Variants in STIM1 observed in about 807,000 individuals in gnomAD.
STIM1 encodes stromal interaction molecule 1.
In STIM1, 25 loss-of-function variants were observed where a neutral mutation model predicts 74.7. That is an observed-to-expected ratio of 0.33 (90% CI 0.24 to 0.47). STIM1 has a LOEUF of 0.47. Among genes scored for constraint, STIM1 ranks in the 20% least tolerant of loss-of-function variants. The probability of loss-of-function intolerance (pLI) is 1.00; values close to 1 mark genes in which losing one functional copy is unlikely to be tolerated. For missense variants in STIM1, 728 were observed against 920.8 expected (o/e 0.79, Z 2.71); for synonymous variants, 328 against 348.8 (o/e 0.94, Z 0.66).
At chr11:3,953,780 CTTTCTTTT>C (rs2093178338) in intron 1 of STIM1, among the ~76,000 whole-genome samples, 1 of 131,090 alleles carries the variant, frequency 7.6e-6, no homozygotes, top group Non-Finnish European at 1.6e-5. Flanking sequence ...TGATCTTCTT[CTTTCTTTT>C]TTTTTTTTTT....
intron 1 of STIM1, among the ~76,000 whole-genome samples, chr11:3,889,638 G>A (rs746720501): frequency 2.0e-4 from 30 of 152,118 alleles, no homozygotes; most frequent in Non-Finnish European, 3.8e-4. Context: ...CTTTGAGATG[G>A]ACAAAATAAG....
At chr11:3,904,711 G>A (rs2092433407) in intron 1 of STIM1, among the ~76,000 whole-genome samples, 2 of 152,140 alleles carry the variant, frequency 1.3e-5, no homozygotes, top group Admixed American at 1.3e-4. Flanking sequence ...ACGGAAGGAT[G>A]AAGGAGGCAG....
At chr11:3,912,193 C>A (rs1330817973) in intron 1 of STIM1, among the ~76,000 whole-genome samples, 1 of 101,910 alleles carries the variant, frequency 9.8e-6, no homozygotes, top group Non-Finnish European at 2.0e-5. Flanking sequence ...CCCCTCCCCT[C>A]CCTTCTCCCC....
At chr11:3,886,804 TCA>T (rs1565101472) in intron 1 of STIM1, among the ~76,000 whole-genome samples, 2 of 148,154 alleles carry the variant, frequency 1.3e-5, no homozygotes, top group African/African-American at 5.0e-5. Context: ...GAGATCGAGA[TCA>T]TCCTGGATAA....
intron 1 of STIM1, among the ~76,000 whole-genome samples, chr11:3,898,903 G>T (rs1264458979): frequency 1.3e-5 from 2 of 151,834 alleles, no homozygotes; most frequent in African/African-American, 4.8e-5. Flanking sequence ...GTACCATGCT[G>T]TTTTGGTTAC....
intron 1 of STIM1, among the ~76,000 whole-genome samples, chr11:3,863,885 G>A (rs1489923580): frequency 6.6e-6 from 1 of 152,080 alleles, no homozygotes; most frequent in Non-Finnish European, 1.5e-5. Flanking sequence ...AGTTATTGTT[G>A]TTAACATCTT....
At chr11:4,022,823 AC>A (rs1478901676) in intron 2 of STIM1, among the ~76,000 whole-genome samples, 2 of 152,208 alleles carry the variant, frequency 1.3e-5, no homozygotes, top group Non-Finnish European at 2.9e-5. Context: ...CAGGCTTCTT[AC>A]ATTTTGACTC....
Position 3,967,586 on chromosome 11 carries a change from T to C in STIM1, c.174T>C (p.Ser58=), listed in dbSNP as rs960437123. 3.1e-6 allele frequency: 5 copies of C among 1,614,214 alleles called. No individual in the cohort carries two copies. Among genetic ancestry groups the C allele is most frequent in the Non-Finnish European group, 3.4e-6 (4 of 1,180,036 alleles). Residue 58 remains serine, a synonymous_variant, in exon 2 of 13, where the codon AGT becomes AGC. Transcript: ENST00000526596. ...GAATTGACAAGCCCCTGTGTCACAG[T>C]GAGGATGAGAAACTCAGCTTCGAGG... ...FCRIDKPLCH[S]EDEKLSFEAV...
At chr11:3,985,488 A>T (rs974702492) in intron 2 of STIM1, among the ~76,000 whole-genome samples, 3 of 152,182 alleles carry the variant, frequency 2.0e-5, no homozygotes, top group African/African-American at 7.2e-5. Flanking sequence ...AAGCCCATAA[A>T]TGAGGTTGAG....
chr11:3,982,304 G>A (rs925746855), intron 2 of STIM1, among the ~76,000 whole-genome samples: 3 of 151,172 alleles, frequency 2.0e-5, no homozygotes, highest in South Asian at 2.1e-4. Context: ...TCCTGGGATC[G>A]TAAACATGAG....
intron 1 of STIM1, among the ~76,000 whole-genome samples, chr11:3,942,867 G>GT (rs2135616597): frequency 6.6e-6 from 1 of 152,258 alleles, no homozygotes; most frequent in South Asian, 2.1e-4. Flanking sequence ...AAGGCAGGAA[G>GT]TAAGTGTTTG....
At chr11:3,857,541 A>G (rs1240209536) in intron 1 of STIM1, among the ~76,000 whole-genome samples, 1 of 151,830 alleles carries the variant, frequency 6.6e-6, no homozygotes, top group African/African-American at 2.4e-5. Context: ...GAACTCTATT[A>G]AAATCCAGTC....
intron 1 of STIM1, among the ~76,000 whole-genome samples, chr11:3,881,540 T>A (rs1435839638): frequency 6.6e-6 from 1 of 151,912 alleles, no homozygotes; most frequent in Non-Finnish European, 1.5e-5. Flanking sequence ...CCGGCTAATT[T>A]TTTTGTATTT....
At chr11:4,056,222 G>T (rs1164085878) in intron 4 of STIM1, among the ~76,000 whole-genome samples, 2 of 152,120 alleles carry the variant, frequency 1.3e-5, no homozygotes, top group Non-Finnish European at 2.9e-5. Context: ...GATTGCCATT[G>T]GCCCCAGCCT....
chr11:3,935,129 G>A (rs2092917159), intron 1 of STIM1, among the ~76,000 whole-genome samples: 1 of 152,172 alleles, frequency 6.6e-6, no homozygotes, highest in Admixed American at 6.5e-5. Context: ...CTTTTAAATT[G>A]GCTCTCTTGG....
rs2094394878 is a variant in STIM1 at position 4,070,141 on chromosome 11, G to C, written c.729G>C (p.Lys243Asn). The C allele has an allele frequency of 1.9e-6, 3 of 1,614,098 alleles. No homozygotes were observed. In the South Asian group the frequency reaches 3.3e-5, roughly 18 times the overall value. The change falls in exon 6 of 13, where the codon AAG becomes AAC. Residue 243 changes from lysine (K) to asparagine (N), a missense_variant. By Grantham distance (94) the Lys-to-Asn change is moderately conservative. Transcript: ENST00000526596. Reference sequence around the variant, plus strand: ...GTTACTCCAAGGAGCACATGAAGAAGATGATGAAGGACTTGGAGGGGTTAC... The same window carrying C: ...GTTACTCCAAGGAGCACATGAAGAACATGATGAAGGACTTGGAGGGGTTAC... ...QNRYSKEHMK[K>N]MMKDLEGLHR...
At chr11:4,050,343 A>T (rs1414500559) in intron 3 of STIM1, among the ~76,000 whole-genome samples, 1 of 152,220 alleles carries the variant, frequency 6.6e-6, no homozygotes, top group African/African-American at 2.4e-5. Context: ...AGGGAAGTGG[A>T]TGCTTGGTGG....
At chr11:3,859,068 T>C (rs2090498839) in intron 1 of STIM1, among the ~76,000 whole-genome samples, 1 of 152,214 alleles carries the variant, frequency 6.6e-6, no homozygotes, top group African/African-American at 2.4e-5. Context: ...GGGCTGTACT[T>C]TTTTTCTGCT....
intron 1 of STIM1, among the ~76,000 whole-genome samples, chr11:3,926,598 G>A (rs2092791644): frequency 6.6e-6 from 1 of 152,198 alleles, no homozygotes; most frequent in South Asian, 2.1e-4. Flanking sequence ...TTTAAGTCCA[G>A]CAAATACTTT....
Sources: gnomAD v4.1 joint callset for allele counts (sites outside exome capture counted in the v4.1 genomes callset) on GRCh38, gnomAD v4.1.1 for gene constraint, MANE v1.5 for transcripts, NCBI Gene and HGNC (gene_info 2026-07-23, HGNC 2026-07-21) for gene names.